MYMK: variants seen among roughly 807,000 people sequenced by gnomAD.
MYMK encodes the protein myomaker, myoblast fusion factor.
Under a neutral mutation model 22.4 loss-of-function variants are expected in MYMK, and 16 were observed. The observed-to-expected ratio is 0.72, with a 90% CI of 0.48 to 1.09. The LOEUF (loss-of-function observed/expected upper bound fraction) is 1.09. Among genes scored for constraint, MYMK ranks in the 50% least tolerant of loss-of-function variants. The pLI is 0.00. For missense variants in MYMK, 250 were observed against 295.6 expected, an observed-to-expected ratio of 0.85 and a Z score of 1.13; for synonymous variants, 125 against 127.0, an observed-to-expected ratio of 0.98 and a Z score of 0.11.
intron 1 of MYMK, among the ~76,000 whole-genome samples, chr9:133,521,711 G>A (rs959338440): frequency 6.6e-6 from 1 of 152,188 alleles, no homozygotes; most frequent in Non-Finnish European, 1.5e-5. Flanking sequence ...GAAGCTTCAG[G>A]AGGGGCCTGA....
intron 1 of MYMK, 96 bp from the exon 2 acceptor site, chr9:133,520,384 G>T: frequency 2.2e-6 from 2 of 929,694 alleles, no homozygotes; most frequent in Non-Finnish European, 3.4e-6. Context: ...CTGGCTGTGA[G>T]AAGTCACTTT....
Position 133,520,244 on chromosome 9 carries a change from G to A in MYMK, c.180C>T (p.Phe60=). Residue 60 remains phenylalanine, a synonymous_variant, in exon 2 of 5, where the codon TTC becomes TTT. Transcript: ENST00000339996. The part of the protein sequence containing the change: ...CNGPGLSVLC[F]MRHDILEYFS... ...AATACTCCAGGATGTCGTGACGCAT[G>A]AAGCACAGCACAGACAAGCCGGGTC... is the stretch of plus-strand genomic sequence containing the variant. 6.2e-7 allele frequency: 1 copy of A among 1,614,182 alleles called. No homozygotes were observed. Among genetic ancestry groups the A allele is most frequent in the Non-Finnish European group, 8.5e-7 (1 of 1,180,026 alleles).
In MYMK at chr9:133,515,801, C is replaced by G. The variant is rs1193061415; in HGVS notation, c.400-194G>C. 6.6e-6 allele frequency among the ~76,000 whole-genome samples: 1 copy of G among 152,172 alleles called. No homozygotes were observed. Among genetic ancestry groups the G allele is most frequent in the African/African-American group, 2.4e-5 (1 of 41,458 alleles). On this transcript the variant is annotated intron_variant, in intron 3 of 4. Coordinates refer to ENST00000339996, the MANE Select transcript of MYMK (RefSeq NM_001080483.3). This position sits in a 1 kb window ranked among gnomAD's most constrained non-coding sequence, Gnocchi z 5.8. ...GGACAGGGCCCTTCACGGTGCGACCCAGCAGAGACCCCAGCCTGGATGGCT... is the reference window on the plus strand; with the variant it reads ...GGACAGGGCCCTTCACGGTGCGACCGAGCAGAGACCCCAGCCTGGATGGCT...
chr9:133,519,913 G>A (rs1844677862), intron 2 of MYMK, among the ~76,000 whole-genome samples: 1 of 152,186 alleles, frequency 6.6e-6, no homozygotes, highest in South Asian at 2.1e-4. Context: ...TGCCTCTGCT[G>A]TTGAAATGTG....
chr9:133,524,211 C>G (rs1052944455), intron 1 of MYMK, among the ~76,000 whole-genome samples: 1 of 152,050 alleles, frequency 6.6e-6, no homozygotes, highest in Non-Finnish European at 1.5e-5. Flanking sequence ...CCTCCTGAAC[C>G]AGAGCAGCTC....
Position 133,514,644 on chromosome 9 carries a change from A to AAGCAC in MYMK, c.653_657dup (p.Cys220ValfsTer?). The AAGCAC allele has an allele frequency of 6.2e-7, 1 of 1,613,516 alleles. No individual in the cohort carries two copies. Among genetic ancestry groups the AAGCAC allele is most frequent in the Non-Finnish European group, 8.5e-7 (1 of 1,179,592 alleles). ...CCGGGCTGGGCGCAGCATCAGACAC[A>AAGCAC]AGCACAGCACAGGGTGGAGCAGTCC... On this transcript the variant is annotated frameshift_variant, in exon 5 of 5. Coordinates refer to ENST00000339996, the MANE Select transcript of MYMK (RefSeq NM_001080483.3). LOFTEE classifies it high-confidence loss of function.
At chr9:133,520,090 C>A (rs192118100) in intron 2 of MYMK, 84 bp downstream of exon 2, 8 of 1,013,866 alleles carry the variant, frequency 7.9e-6, no homozygotes, top group Non-Finnish European at 4.7e-6. Context: ...AGGGCTGCAG[C>A]GGGACTGGTT....
chr9:133,516,510 C>A (rs1347538418), intron 3 of MYMK, among the ~76,000 whole-genome samples: 2 of 152,310 alleles, frequency 1.3e-5, no homozygotes, highest in East Asian at 3.9e-4. Context: ...GGGGCAGCAC[C>A]CCATAACTGC....
chr9:133,523,672 AGAGATAGATG>A (rs1463907675), intron 1 of MYMK, among the ~76,000 whole-genome samples: 5 of 145,892 alleles, frequency 3.4e-5, no homozygotes, highest in African/African-American at 1.0e-4. Context: ...GCGTAGATAG[AGAGATAGATG>A]GAGAGAGAGA....
chr9:133,520,398 G>T (rs1299945547), intron 1 of MYMK, 110 bp from the exon 2 acceptor site: 8 of 800,696 alleles, frequency 1.0e-5, no homozygotes, highest in African/African-American at 1.7e-5. Context: ...TCACTTTGGC[G>T]AGTCACTTAA....
At chr9:133,520,354 C>G in intron 1 of MYMK, 66 bp from the exon 2 acceptor site, 1 of 1,272,966 alleles carries the variant, frequency 7.9e-7, no homozygotes, top group Non-Finnish European at 1.1e-6. Flanking sequence ...GCCACGGCCC[C>G]CAGAGTGCCA....
chr9:133,519,966 A>C lies in MYMK; in HGVS notation c.250+208T>G, dbSNP rs9330462. Among the ~76,000 whole-genome samples the C allele has an allele frequency of 0.67, 101,930 of 152,122 alleles. 35,211 individuals carry two copies. Among genetic ancestry groups the C allele is most frequent in the African/African-American group, 0.81 (33,778 of 41,524 alleles). The stretch of plus-strand genomic sequence containing the variant: ...TAAATGAGTCATTTTAAAAGGATAT[A>C]AAAAATCGGCATCAGGGCATTTAAG... On this transcript the variant is annotated intron_variant, in intron 2 of 4. Transcript: ENST00000339996.
At chr9:133,523,991 G>A (rs1229334883) in intron 1 of MYMK, among the ~76,000 whole-genome samples, 2 of 151,992 alleles carry the variant, frequency 1.3e-5, no homozygotes, top group Non-Finnish European at 2.9e-5. Context: ...CAGAAACAGC[G>A]ACCTCAGAAA....
chr9:133,524,505 C>T (rs1844737434), intron 1 of MYMK, among the ~76,000 whole-genome samples: 1 of 152,190 alleles, frequency 6.6e-6, no homozygotes, highest in African/African-American at 2.4e-5. Context: ...AACTTCCTGG[C>T]ACAGATGGGA....
chr9:133,520,908 T>C (rs1388213386), intron 1 of MYMK, among the ~76,000 whole-genome samples: 1 of 152,174 alleles, frequency 6.6e-6, no homozygotes. Flanking sequence ...CTAGGGTTGC[T>C]GATTAGGGAG....
intron 3 of MYMK, among the ~76,000 whole-genome samples, chr9:133,516,534 T>C (rs1844633226): frequency 1.3e-5 from 2 of 152,228 alleles, no homozygotes; most frequent in South Asian, 2.1e-4. Context: ...CATTGCTGAG[T>C]GGCCTATGCA....
In MYMK at chr9:133,519,720, T is replaced by G. The variant is rs577376926; in HGVS notation, c.250+454A>C. Among the ~76,000 whole-genome samples the G allele has an allele frequency of 9.2e-5, 14 of 151,854 alleles. No homozygotes were observed. The South Asian group carries it at 2.7e-3, about 29-fold the overall frequency. On this transcript the variant is annotated intron_variant, in intron 2 of 4. Coordinates refer to ENST00000339996, the MANE Select transcript of MYMK (RefSeq NM_001080483.3). The stretch of plus-strand genomic sequence containing the variant: ...ATGGGGACCTTGCCACAGACAACAG[T>G]TACGTGGAAAAAAACATGGTGGGAA...
chr9:133,515,771 C>G lies in MYMK; in HGVS notation c.400-164G>C, dbSNP rs1844623879. Among the ~76,000 whole-genome samples, 2 of 152,182 alleles carry G rather than the reference C, an allele frequency of 1.3e-5. No homozygotes were observed. Among genetic ancestry groups the G allele is most frequent in the Admixed American group, 6.5e-5 (1 of 15,286 alleles). On this transcript the variant is annotated intron_variant, in intron 3 of 4. Coordinates refer to ENST00000339996, the MANE Select transcript of MYMK (RefSeq NM_001080483.3). The surrounding 1 kb of genome is among the most constrained non-coding windows in gnomAD (Gnocchi z 5.8). Reference sequence around the variant, plus strand: ...TGCCGCACCCAGCCTCAGATGGCTTCTGCTGGACAGGGCCCTTCACGGTGC... The same window carrying G: ...TGCCGCACCCAGCCTCAGATGGCTTGTGCTGGACAGGGCCCTTCACGGTGC...
At chr9:133,523,033 G>A (rs1588267140) in intron 1 of MYMK, among the ~76,000 whole-genome samples, 1 of 152,316 alleles carries the variant, frequency 6.6e-6, no homozygotes, top group East Asian at 1.9e-4. Flanking sequence ...GGCGCTCGAG[G>A]TGGACTCAGA....
Sources: gnomAD v4.1 joint callset for allele counts (sites outside exome capture counted in the v4.1 genomes callset) on GRCh38, gnomAD v4.1.1 for gene constraint, Gnocchi (gnomAD v3.1) non-coding constraint, MANE v1.5 for transcripts, NCBI Gene and HGNC (gene_info 2026-07-23, HGNC 2026-07-21) for gene names.